DACH2: variants seen among roughly 807,000 people sequenced by gnomAD.
DACH2 encodes the protein dachshund homolog 2.
A neutral mutation model predicts 35.8 loss-of-function variants in DACH2; 17 were observed. The ratio of observed to expected loss-of-function variants is 0.48; its 90% CI spans 0.33 to 0.71. The LOEUF is 0.71. Among genes scored for constraint, DACH2 ranks in the 30% least tolerant of loss-of-function variants. DACH2 has a pLI of 0.02. For synonymous variants in DACH2, 195 were observed against 177.3 expected, an observed-to-expected ratio of 1.10 and a Z score of -0.79; for missense variants, 469 against 472.7, an observed-to-expected ratio of 0.99 and a Z score of 0.07.
intron 3 of DACH2, among the ~76,000 whole-genome samples, chrX:86,550,495 G>A (rs2039033985): frequency 1.8e-5 from 2 of 110,338 alleles, no homozygotes; most frequent in South Asian, 7.9e-4. Context: ...GTTTAACTTA[G>A]CAGTGAAAAC....
intron 1 of DACH2, among the ~76,000 whole-genome samples, chrX:86,208,550 C>A (rs1456418852): frequency 1.8e-5 from 2 of 111,463 alleles, no homozygotes; most frequent in Non-Finnish European, 3.8e-5. Flanking sequence ...AATATTAGCA[C>A]TATTACTCTG....
chrX:86,331,892 G>A (rs930643096), intron 1 of DACH2, among the ~76,000 whole-genome samples: 2 of 110,825 alleles, frequency 1.8e-5, no homozygotes, highest in Non-Finnish European at 3.8e-5. Context: ...TCAAGACACT[G>A]GGAGGTTCTG....
rs187961224 is a variant in DACH2 at position 86,151,174 on chromosome X, T to C, written c.488+2066T>C. ...AATCCAGAGGCAGGTGATCTTGTAA[T>C]ATTTTTGGACCCTGTTATACCATGT... On this transcript the variant is annotated intron_variant, in intron 1 of 11. Transcript: ENST00000373125. 4.7e-4 allele frequency among the ~76,000 whole-genome samples: 52 copies of C among 111,644 alleles called. No individual in the cohort carries two copies. The East Asian group carries it at 0.014, about 30-fold the overall frequency.
At chrX:86,409,989 A>C (rs920670667) in intron 2 of DACH2, among the ~76,000 whole-genome samples, 5 of 112,026 alleles carry the variant, frequency 4.5e-5, no homozygotes, top group African/African-American at 1.6e-4. Flanking sequence ...GTCTTAAAAT[A>C]AACAATGCTG....
intron 6 of DACH2, among the ~76,000 whole-genome samples, chrX:86,727,379 C>A (rs1167714389): frequency 2.7e-5 from 3 of 111,634 alleles, no homozygotes; most frequent in African/African-American, 9.8e-5. Context: ...TTATATAAAA[C>A]TTGTGAAAAT....
intron 7 of DACH2, among the ~76,000 whole-genome samples, chrX:86,780,384 T>C (rs2042078744): frequency 9.0e-6 from 1 of 111,034 alleles, no homozygotes; most frequent in Non-Finnish European, 1.9e-5. Context: ...AGAATATGGA[T>C]GGGGATCAAG....
chrX:86,655,143 A>G (rs2040524882), intron 4 of DACH2, among the ~76,000 whole-genome samples: 1 of 111,661 alleles, frequency 9.0e-6, no homozygotes, highest in Admixed American at 9.6e-5. Flanking sequence ...CAGGGTTCAT[A>G]GCATTTATGG....
intron 2 of DACH2, among the ~76,000 whole-genome samples, chrX:86,489,280 A>G (rs1569419041): frequency 9.0e-6 from 1 of 110,643 alleles, no homozygotes; most frequent in Admixed American, 9.7e-5. Context: ...TAATTGATTG[A>G]TGACATAGAT....
chrX:86,151,319 A>G (rs1278101675), intron 1 of DACH2, among the ~76,000 whole-genome samples: 1 of 112,035 alleles, frequency 8.9e-6, no homozygotes, highest in Non-Finnish European at 1.9e-5. Context: ...ATAGAGAAAT[A>G]TTAAATATGT....
intron 3 of DACH2, among the ~76,000 whole-genome samples, chrX:86,543,525 T>A (rs1310134542): frequency 4.5e-5 from 5 of 110,168 alleles, no homozygotes; most frequent in African/African-American, 1.7e-4. Flanking sequence ...TGGATAGGAA[T>A]GAAGATCATT....
intron 2 of DACH2, among the ~76,000 whole-genome samples, chrX:86,454,526 G>A: frequency 8.9e-6 from 1 of 111,915 alleles, no homozygotes; most frequent in East Asian, 2.8e-4. Flanking sequence ...CAGAAAGATA[G>A]TCTTCAAGTT....
chrX:86,762,403 G>T (rs1382585893), intron 7 of DACH2, among the ~76,000 whole-genome samples: 7 of 111,194 alleles, frequency 6.3e-5, no homozygotes, highest in Non-Finnish European at 1.1e-4. Flanking sequence ...GCTCATTAAT[G>T]GGCATGGAAA....
intron 1 of DACH2, among the ~76,000 whole-genome samples, chrX:86,193,291 A>G (rs757120432): frequency 6.3e-5 from 7 of 111,775 alleles, no homozygotes; most frequent in Non-Finnish European, 7.5e-5. Context: ...TGTGAGAAGT[A>G]GATTATCTCT....
At chrX:86,158,092 A>G (rs935431626) in intron 1 of DACH2, among the ~76,000 whole-genome samples, 2 of 111,467 alleles carry the variant, frequency 1.8e-5, no homozygotes, top group Non-Finnish European at 3.8e-5. Context: ...AATATTATAT[A>G]TGTAGTCAAA....
intron 3 of DACH2, among the ~76,000 whole-genome samples, chrX:86,564,693 A>C (rs1005504684): frequency 8.1e-5 from 9 of 111,638 alleles, no homozygotes; most frequent in African/African-American, 2.9e-4. Flanking sequence ...TTAAAGATGT[A>C]ATATGAAATC....
intron 1 of DACH2, among the ~76,000 whole-genome samples, chrX:86,214,357 T>G (rs1161667124): frequency 8.9e-6 from 1 of 112,226 alleles, no homozygotes; most frequent in Non-Finnish European, 1.9e-5. Context: ...CTATAAAACT[T>G]TATCTGACCT....
chrX:86,228,607 G>A (rs890292624), intron 1 of DACH2, among the ~76,000 whole-genome samples: 1 of 110,874 alleles, frequency 9.0e-6, no homozygotes, highest in African/African-American at 3.3e-5. Flanking sequence ...CCTGATCATC[G>A]CATCTACGCC....
At chrX:86,806,224 G>A (rs1266032290) in intron 7 of DACH2, among the ~76,000 whole-genome samples, 2 of 110,945 alleles carry the variant, frequency 1.8e-5, no homozygotes, top group African/African-American at 3.3e-5. Flanking sequence ...TGGCTTCTGG[G>A]GAGGCCTCAG....
intron 7 of DACH2, among the ~76,000 whole-genome samples, chrX:86,765,049 G>T (rs2041918387): frequency 9.0e-6 from 1 of 111,455 alleles, no homozygotes; most frequent in South Asian, 3.7e-4. Flanking sequence ...GTCTGTTCAT[G>T]TCCTTTTCCC....
Sources: gnomAD v4.1 joint callset for allele counts (sites outside exome capture counted in the v4.1 genomes callset) on GRCh38, gnomAD v4.1.1 for gene constraint, MANE v1.5 for transcripts, NCBI Gene and HGNC (gene_info 2026-07-23, HGNC 2026-07-21) for gene names.